Variants in GALNT13 observed in about 807,000 individuals in gnomAD.
GALNT13 encodes the protein UDP-GalNAc:polypeptide N-acetylgalactosaminyltransferase 13.
In GALNT13, 28 loss-of-function variants were observed where a neutral mutation model predicts 64.2. The ratio of observed to expected loss-of-function variants is 0.44; its 90% confidence interval spans 0.32 to 0.60. The LOEUF is 0.60. Ranked by LOEUF, GALNT13 falls within the 20% of genes least tolerant of loss-of-function variation. The probability of loss-of-function intolerance (pLI) is 0.05; values close to 1 mark genes in which losing one functional copy is unlikely to be tolerated. For synonymous variants in GALNT13, 214 were observed against 224.6 expected (o/e 0.95, Z 0.42); for missense variants, 577 against 669.8 (o/e 0.86, Z 1.53).
At chr2:153,338,301 T>A in the GALNT13 span, among the ~76,000 whole-genome samples, 1 of 151,698 alleles carries the variant, frequency 6.6e-6, no homozygotes, top group African/African-American at 2.4e-5. Context: ...TCTAAACATA[T>A]ATGAAAAAAC....
At chr2:153,325,114 GTTTTTTTTTTTTTTT>G in the GALNT13 span, among the ~76,000 whole-genome samples, 4 of 72,680 alleles carry the variant, frequency 5.5e-5, no homozygotes, top group African/African-American at 1.8e-4. Flanking sequence ...CTGGACCTGG[GTTTTTTTTTTTTTTT>G]TTTTTTTTTT....
At chr2:153,681,466 G>C in the GALNT13 span, among the ~76,000 whole-genome samples, 35 of 151,588 alleles carry the variant, frequency 2.3e-4, no homozygotes, top group Non-Finnish European at 4.3e-4. Context: ...TTCTCCTCTT[G>C]AATACTAACA....
chr2:153,102,226 C>G, the GALNT13 span, among the ~76,000 whole-genome samples: 1 of 152,010 alleles, frequency 6.6e-6, no homozygotes, highest in East Asian at 1.9e-4. Flanking sequence ...GTCTTTGTCT[C>G]TTTGTTTCTC....
chr2:153,890,311 A>G (rs1483565555), intron 1 of GALNT13, among the ~76,000 whole-genome samples: 2 of 151,878 alleles, frequency 1.3e-5, no homozygotes, highest in Admixed American at 6.6e-5. Context: ...GTTGTATTTT[A>G]TGGGAAAATA....
the GALNT13 span, among the ~76,000 whole-genome samples, chr2:153,112,510 C>T: frequency 1.3e-5 from 2 of 152,056 alleles, no homozygotes; most frequent in Non-Finnish European, 2.9e-5. Flanking sequence ...TTTTATTTCT[C>T]AATTCCATAT....
At chr2:153,850,748 C>T in the GALNT13 span, among the ~76,000 whole-genome samples, 1 of 152,044 alleles carries the variant, frequency 6.6e-6, no homozygotes, top group Non-Finnish European at 1.5e-5. Flanking sequence ...GCTAAAAGTT[C>T]TGGGATGAGA....
the GALNT13 span, among the ~76,000 whole-genome samples, chr2:153,589,020 G>T: frequency 6.6e-6 from 1 of 152,092 alleles, no homozygotes; most frequent in Admixed American, 6.5e-5. Context: ...TACAAAATTA[G>T]CCATGCCTGT....
At chr2:153,709,874 A>C in the GALNT13 span, among the ~76,000 whole-genome samples, 4 of 152,172 alleles carry the variant, frequency 2.6e-5, no homozygotes, top group Admixed American at 2.0e-4. Context: ...AAGTGAAATA[A>C]CCTAGGCACG....
the GALNT13 span, among the ~76,000 whole-genome samples, chr2:153,643,400 G>A: frequency 6.6e-6 from 1 of 151,198 alleles, no homozygotes; most frequent in Non-Finnish European, 1.5e-5. Context: ...AATAGTACAT[G>A]GAAAAATTTC....
chr2:154,148,460 C>T (rs1204364211), intron 4 of GALNT13, among the ~76,000 whole-genome samples: 2 of 152,160 alleles, frequency 1.3e-5, no homozygotes, highest in Non-Finnish European at 2.9e-5. Context: ...ATGGCTGAGT[C>T]AAATGGTATT....
chr2:153,391,355 G>A, the GALNT13 span, among the ~76,000 whole-genome samples: 2 of 152,060 alleles, frequency 1.3e-5, no homozygotes, highest in African/African-American at 4.8e-5. Context: ...CCACACTGTA[G>A]ATGGGGGTAC....
At chr2:153,493,279 G>A in the GALNT13 span, among the ~76,000 whole-genome samples, 1 of 151,898 alleles carries the variant, frequency 6.6e-6, no homozygotes, top group African/African-American at 2.4e-5. Flanking sequence ...GATGATCACT[G>A]TTTCACAGAG....
intron 3 of GALNT13, among the ~76,000 whole-genome samples, chr2:154,007,656 C>A (rs1164980497): frequency 6.6e-6 from 1 of 151,814 alleles, no homozygotes; most frequent in Non-Finnish European, 1.5e-5. Flanking sequence ...ACATTACATA[C>A]CTATGTTAGA....
chr2:154,290,081 A>G (rs549269941), intron 8 of GALNT13, among the ~76,000 whole-genome samples: 2 of 152,320 alleles, frequency 1.3e-5, no homozygotes, highest in South Asian at 2.1e-4. Context: ...GGGGCACTCA[A>G]TGCATGCACA....
the GALNT13 span, among the ~76,000 whole-genome samples, chr2:153,187,910 G>A: frequency 2.0e-5 from 3 of 151,940 alleles, no homozygotes; most frequent in Non-Finnish European, 4.4e-5. Context: ...ATTTATTCCA[G>A]GAATATAAGG....
At chr2:153,862,400 A>G in the GALNT13 span, among the ~76,000 whole-genome samples, 2 of 152,146 alleles carry the variant, frequency 1.3e-5, no homozygotes, top group Admixed American at 1.3e-4. Context: ...ATCCTATACT[A>G]TAAATTGTGA....
chr2:153,882,952 A>G (rs575296612), intron 1 of GALNT13, among the ~76,000 whole-genome samples: 1 of 151,332 alleles, frequency 6.6e-6, no homozygotes, highest in South Asian at 2.1e-4. Context: ...AAAAATAAAG[A>G]GACCAAGTTA....
chr2:154,043,457 C>CAT (rs1699117256), intron 3 of GALNT13, among the ~76,000 whole-genome samples: 1 of 79,860 alleles, frequency 1.3e-5, no homozygotes, highest in South Asian at 5.0e-4. Flanking sequence ...TATATATATA[C>CAT]ACACATGTAT....
chr2:153,387,684 C>T, the GALNT13 span, among the ~76,000 whole-genome samples: 101,847 of 151,770 alleles, frequency 0.67, 34,966 homozygotes, highest in Non-Finnish European at 0.72. Flanking sequence ...AGTCACTCAA[C>T]ACAACTCTTA....
Sources: allele counts gnomAD v4.1 joint callset (sites outside exome capture counted in the v4.1 genomes callset), GRCh38; gene constraint gnomAD v4.1.1; transcripts MANE v1.5; gene names NCBI Gene and HGNC (gene_info 2026-07-23, HGNC 2026-07-21).